LIN7A: variants seen among roughly 807,000 people sequenced by gnomAD.
LIN7A encodes the protein lin-7 cell polarity scaffold A.
A neutral mutation model predicts 29.8 loss-of-function variants in LIN7A; 25 were observed. The observed-to-expected ratio is 0.84, with a 90% CI of 0.61 to 1.17. The LOEUF is 1.17. Ranked by LOEUF, LIN7A falls within the 50% of genes most tolerant of loss-of-function variation. The pLI, the probability that LIN7A is intolerant of heterozygous loss-of-function variation, is 0.00. For missense variants in LIN7A, 239 were observed against 287.0 expected, an observed-to-expected ratio of 0.83 and a Z score of 1.21; for synonymous variants, 118 against 107.5, an observed-to-expected ratio of 1.10 and a Z score of -0.60.
intron 2 of LIN7A, chr12:80,861,159 G>C (rs534492806): frequency 6.5e-6 from 1 of 152,782 alleles, no homozygotes; most frequent in Non-Finnish European, 1.5e-5. Flanking sequence ...TGAGTACACA[G>C]GAGACGTCAC....
chr12:80,800,016 A>C (rs79636255), intron 5 of LIN7A, among the ~76,000 whole-genome samples: 17,177 of 152,202 alleles, frequency 0.11, 1,055 homozygotes, highest in East Asian at 0.18. Context: ...GATAAAATCA[A>C]TAAACTTCTA....
Position 80,811,465 on chromosome 12 carries a change from C to A in LIN7A, c.702G>T (p.Ter234TyrextTer26). 8.1e-7 allele frequency: 1 copy of A among 1,229,526 alleles called. No homozygotes were observed. The highest frequency in any genetic ancestry group is 1.3e-5 in the South Asian group (1 of 78,910). The allele number at this position is 1,229,526 out of a possible 1,614,324, so 76.2% of individuals were successfully genotyped here. The change falls in exon 5 of 6, where the codon TAG becomes TAT. Residue 234 changes from the stop codon to tyrosine, a stop_lost and splice_region_variant. Transcript: ENST00000552864. ...QQQTQQNHMS[*>Y] is the part of the protein sequence containing the mutation. ...TTGTATAGAATAAGTCACTTCTCAC[C>A]TATGACATGTGGTTTTGTTGTGTTT...
rs1015190248 is a variant in LIN7A at position 80,794,449 on chromosome 12, T to G, written c.*3278A>C. The stretch of plus-strand genomic sequence containing the variant: ...ACAAACTAGTTAAAAGATGAGAAAT[T>G]TAGGCATTATTCACACATCCACACA... On this transcript the variant is annotated 3_prime_UTR_variant, in exon 6 of 6. Coordinates refer to ENST00000552864, the MANE Select transcript of LIN7A (RefSeq NM_004664.4). 1.3e-5 allele frequency: 2 copies of G among 152,118 alleles called. No individual in the cohort carries two copies. The highest frequency in any genetic ancestry group is 4.8e-5 in the African/African-American group (2 of 41,418). The allele number at this position is 152,118 out of a possible 1,614,324, so 9.4% of individuals were successfully genotyped here.
intron 5 of LIN7A, among the ~76,000 whole-genome samples, chr12:80,804,238 T>C (rs138402895): frequency 3.3e-4 from 50 of 152,286 alleles, no homozygotes; most frequent in African/African-American, 1.2e-3. Flanking sequence ...GTTGTACTCA[T>C]TTAGTTATTT....
chr12:80,896,617 G>T (rs906256988), intron 1 of LIN7A, among the ~76,000 whole-genome samples: 1 of 152,098 alleles, frequency 6.6e-6, no homozygotes, highest in African/African-American at 2.4e-5. Flanking sequence ...AGACTAATTG[G>T]CAAACCCAAA....
chr12:80,855,504 A>C (rs1873551526), intron 2 of LIN7A, among the ~76,000 whole-genome samples: 1 of 152,138 alleles, frequency 6.6e-6, no homozygotes, highest in Admixed American at 6.6e-5. Context: ...TTACATTAAA[A>C]ATAAAAATTT....
At chr12:80,884,229 T>C (rs192987373) in intron 2 of LIN7A, among the ~76,000 whole-genome samples, 4 of 152,290 alleles carry the variant, frequency 2.6e-5, no homozygotes, top group Admixed American at 2.6e-4. Flanking sequence ...AACATTTTGT[T>C]TTACAGCAAT....
intron 2 of LIN7A, among the ~76,000 whole-genome samples, chr12:80,852,380 G>A (rs1873377629): frequency 6.6e-6 from 1 of 152,044 alleles, no homozygotes; most frequent in Non-Finnish European, 1.5e-5. Flanking sequence ...GCTAGGTAAG[G>A]GATGACAAGC....
intron 2 of LIN7A, among the ~76,000 whole-genome samples, chr12:80,881,132 CT>C (rs1451540138): frequency 7.1e-6 from 1 of 141,798 alleles, no homozygotes; most frequent in Non-Finnish European, 1.6e-5. Flanking sequence ...AATTTCCATC[CT>C]TTTAAAATTG....
chr12:80,855,791 C>A (rs544095186), intron 2 of LIN7A, among the ~76,000 whole-genome samples: 1 of 152,214 alleles, frequency 6.6e-6, no homozygotes, highest in South Asian at 2.1e-4. Context: ...AGAAATAGAA[C>A]TTAAGTCACC....
intron 4 of LIN7A, among the ~76,000 whole-genome samples, chr12:80,837,695 A>G (rs1055505277): frequency 6.6e-6 from 1 of 152,314 alleles, no homozygotes; most frequent in African/African-American, 2.4e-5. Context: ...GCCATAGGAA[A>G]CTAATATACA....
At chr12:80,804,408 C>T (rs1870872604) in intron 5 of LIN7A, among the ~76,000 whole-genome samples, 1 of 152,090 alleles carries the variant, frequency 6.6e-6, no homozygotes, top group Non-Finnish European at 1.5e-5. Flanking sequence ...ATCCTTCTAC[C>T]CTCTATCTCC....
At chr12:80,925,275 G>A (rs1402739354) in intron 1 of LIN7A, among the ~76,000 whole-genome samples, 5 of 152,228 alleles carry the variant, frequency 3.3e-5, no homozygotes, top group African/African-American at 1.2e-4. Flanking sequence ...CAAGAAGTAT[G>A]TGATTTGGGG....
At chr12:80,876,665 T>A (rs539231009) in intron 2 of LIN7A, among the ~76,000 whole-genome samples, 2 of 152,268 alleles carry the variant, frequency 1.3e-5, no homozygotes, top group East Asian at 3.9e-4. Context: ...ACACCAATGA[T>A]AACTGCAATA....
chr12:80,841,027 C>A (rs532684647), intron 4 of LIN7A, among the ~76,000 whole-genome samples: 1 of 152,234 alleles, frequency 6.6e-6, no homozygotes, highest in South Asian at 2.1e-4. Flanking sequence ...TTGGTTCTGC[C>A]ATCTGGTGCC....
chr12:80,798,469 A>G (rs1221105843), intron 5 of LIN7A, among the ~76,000 whole-genome samples: 1 of 152,038 alleles, frequency 6.6e-6, no homozygotes, highest in African/African-American at 2.4e-5. Flanking sequence ...GATGTGCCCA[A>G]CCTCCCCTGG....
At chr12:80,821,013 G>C (rs1466491520) in intron 4 of LIN7A, among the ~76,000 whole-genome samples, 3 of 152,186 alleles carry the variant, frequency 2.0e-5, no homozygotes, top group Admixed American at 1.3e-4. Context: ...GGTTATGGAA[G>C]TGGTGATCAC....
intron 2 of LIN7A, among the ~76,000 whole-genome samples, chr12:80,856,394 C>T (rs1873600866): frequency 6.6e-6 from 1 of 152,150 alleles, no homozygotes; most frequent in Admixed American, 6.6e-5. Flanking sequence ...GATAGTATTA[C>T]TGGTAAAATA....
chr12:80,808,636 G>C (rs1871152064), intron 5 of LIN7A, among the ~76,000 whole-genome samples: 1 of 151,542 alleles, frequency 6.6e-6, no homozygotes, highest in Non-Finnish European at 1.5e-5. Flanking sequence ...CTCCTGAGTA[G>C]CTGGGACTAC....
Sources: allele counts gnomAD v4.1 joint callset (sites outside exome capture counted in the v4.1 genomes callset), GRCh38; gene constraint gnomAD v4.1.1; transcripts MANE v1.5; gene names NCBI Gene and HGNC (gene_info 2026-07-23, HGNC 2026-07-21).